Variants in C9orf85 observed in about 807,000 individuals in gnomAD.
C9orf85 encodes chromosome 9 open reading frame 85.
In C9orf85, 16 loss-of-function variants were observed where a neutral mutation model predicts 14.9. The ratio of observed to expected loss-of-function variants is 1.08; its 90% CI spans 0.73 to 1.63. C9orf85 has a LOEUF of 1.63. Among genes scored for constraint, C9orf85 ranks in the 40% most tolerant of loss-of-function variants. The probability of loss-of-function intolerance (pLI) is 0.00; values close to 1 mark genes in which losing one functional copy is unlikely to be tolerated. For synonymous variants in C9orf85, 45 were observed against 56.8 expected (o/e 0.79, Z 0.93); for missense variants, 172 against 186.1 (o/e 0.92, Z 0.44).
chr9:71,970,394 T>C (rs1244173322), intron 2 of C9orf85, among the ~76,000 whole-genome samples: 1 of 152,234 alleles, frequency 6.6e-6, no homozygotes, highest in Non-Finnish European at 1.5e-5. Flanking sequence ...ATAACGTTCA[T>C]ACAGAATAAG....
chr9:71,926,970 T>G (rs2132266312), intron 1 of C9orf85, among the ~76,000 whole-genome samples: 1 of 152,046 alleles, frequency 6.6e-6, no homozygotes, highest in East Asian at 1.9e-4. Flanking sequence ...GTAGAAGGGT[T>G]CTATCAAGTG....
intron 1 of C9orf85, among the ~76,000 whole-genome samples, chr9:71,941,262 T>C (rs1172555799): frequency 6.6e-6 from 1 of 152,156 alleles, no homozygotes; most frequent in Non-Finnish European, 1.5e-5. Context: ...AGGGAAAGTG[T>C]TACTGTGGTA....
At chr9:71,958,541 C>T (rs1483433149) in intron 2 of C9orf85, among the ~76,000 whole-genome samples, 1 of 152,036 alleles carries the variant, frequency 6.6e-6, no homozygotes, top group Non-Finnish European at 1.5e-5. Flanking sequence ...GGATTACAGA[C>T]GTGAGCTACC....
intron 3 of C9orf85, among the ~76,000 whole-genome samples, chr9:71,978,730 C>T (rs938170237): frequency 4.6e-5 from 7 of 152,234 alleles, no homozygotes; most frequent in African/African-American, 9.6e-5. Context: ...ACATAAAATT[C>T]AGCACTTAAA....
At chr9:71,952,731 A>C (rs1433831916) in intron 2 of C9orf85, among the ~76,000 whole-genome samples, 1 of 152,136 alleles carries the variant, frequency 6.6e-6, no homozygotes, top group African/African-American at 2.4e-5. Flanking sequence ...CAGGCCCTGA[A>C]ATGCCTATGC....
intron 2 of C9orf85, among the ~76,000 whole-genome samples, chr9:71,961,325 G>C (rs1005347185): frequency 1.3e-5 from 2 of 152,026 alleles, no homozygotes; most frequent in African/African-American, 2.4e-5. Context: ...ACTTTGGGAG[G>C]CCAAGGCGGG....
chr9:71,971,476 A>G (rs781275608), intron 2 of C9orf85, 29 bp from the exon 3 acceptor site: 21 of 1,300,656 alleles, frequency 1.6e-5, no homozygotes, highest in Non-Finnish European at 2.3e-5. Flanking sequence ...ATAAACATAA[A>G]TAAGTTAACA....
intron 1 of C9orf85, among the ~76,000 whole-genome samples, chr9:71,938,017 A>T (rs1449171310): frequency 6.6e-6 from 1 of 152,134 alleles, no homozygotes; most frequent in Admixed American, 6.6e-5. Flanking sequence ...AACTCATTTC[A>T]AAAGTATTTC....
At chr9:71,983,006 T>C (rs1784701281) in exon 4 of C9orf85, 1 of 162,228 alleles carries the variant, frequency 6.2e-6, no homozygotes, top group Non-Finnish European at 1.3e-5. Context: ...TTTTTTTCCT[T>C]GTTTTTTGAG....
intron 1 of C9orf85, among the ~76,000 whole-genome samples, chr9:71,912,161 G>A (rs1827519828): frequency 6.6e-6 from 1 of 152,076 alleles, no homozygotes; most frequent in Admixed American, 6.6e-5. Context: ...GGGAAACGAG[G>A]ATTGTGGCAT....
intron 2 of C9orf85, among the ~76,000 whole-genome samples, chr9:71,963,475 G>A (rs908739311): frequency 1.3e-5 from 2 of 152,188 alleles, no homozygotes; most frequent in Non-Finnish European, 2.9e-5. Context: ...GCTGCATTGT[G>A]GTAGCCCCTT....
intron 3 of C9orf85, among the ~76,000 whole-genome samples, chr9:71,980,825 C>T (rs773218071): frequency 5.9e-5 from 9 of 152,254 alleles, no homozygotes; most frequent in Middle Eastern, 3.4e-3. Flanking sequence ...CCAGCTGACA[C>T]AAGGCAGGTG....
intron 2 of C9orf85, among the ~76,000 whole-genome samples, chr9:71,964,042 A>G (rs975661439): frequency 1.2e-4 from 19 of 152,130 alleles, no homozygotes; most frequent in Non-Finnish European, 2.1e-4. Flanking sequence ...TGTCTAGCTC[A>G]GGGATTGTAA....
intron 1 of C9orf85, among the ~76,000 whole-genome samples, chr9:71,912,137 A>G: frequency 6.6e-6 from 1 of 152,176 alleles, no homozygotes; most frequent in East Asian, 1.9e-4. Context: ...TCCCATCTGG[A>G]TCACATTAGC....
chr9:71,938,038 G>A (rs114570488), intron 1 of C9orf85, among the ~76,000 whole-genome samples: 20 of 152,130 alleles, frequency 1.3e-4, no homozygotes, highest in African/African-American at 3.9e-4. Context: ...TGGGCTATTT[G>A]TATGACTAGC....
intron 2 of C9orf85, among the ~76,000 whole-genome samples, chr9:71,956,242 G>GTTTTTTTTTTTTTTTTTTTTTT: frequency 2.0e-5 from 1 of 51,012 alleles, no homozygotes; most frequent in Non-Finnish European, 3.7e-5. Flanking sequence ...GAATGCAAAA[G>GTTTTTTTTTTTTTTTTTTTTTT]TTTTTTTTTT....
chr9:71,982,030 C>T (rs145536975), intron 3 of C9orf85, among the ~76,000 whole-genome samples: 1 of 152,286 alleles, frequency 6.6e-6, no homozygotes, highest in Non-Finnish European at 1.5e-5. Flanking sequence ...CCAAAATGAT[C>T]CCTCATGCTC....
intron 1 of C9orf85, among the ~76,000 whole-genome samples, chr9:71,922,199 A>G (rs1827827027): frequency 6.6e-6 from 1 of 152,096 alleles, no homozygotes; most frequent in Non-Finnish European, 1.5e-5. Context: ...TCAGTCTCCC[A>G]AAGTGCTGGG....
intron 1 of C9orf85, among the ~76,000 whole-genome samples, chr9:71,934,674 A>C (rs1460821127): frequency 6.6e-6 from 1 of 151,930 alleles, no homozygotes; most frequent in Non-Finnish European, 1.5e-5. Flanking sequence ...TTTGAGACCA[A>C]CCTGGGCAAC....
Sources: gnomAD v4.1 joint callset for allele counts (sites outside exome capture counted in the v4.1 genomes callset) on GRCh38, gnomAD v4.1.1 for gene constraint, MANE v1.5 for transcripts, NCBI Gene and HGNC (gene_info 2026-07-23, HGNC 2026-07-21) for gene names.